The following TMPRSS7 variants were observed in gnomAD, a reference collection of about 807,000 sequenced individuals.
TMPRSS7 encodes transmembrane serine protease 7.
In TMPRSS7, 81 loss-of-function variants were observed where a neutral mutation model predicts 95.6. That is an observed-to-expected ratio of 0.85 (90% CI 0.71 to 1.02). The LOEUF is 1.02. Among genes scored for constraint, TMPRSS7 ranks in the 50% least tolerant of loss-of-function variants. TMPRSS7 has a pLI of 0.00. For synonymous variants in TMPRSS7, 364 were observed against 337.8 expected (o/e 1.08, Z -0.85); for missense variants, 945 against 955.2 (o/e 0.99, Z 0.14).
intron 6 of TMPRSS7, 140 bp downstream of exon 6, chr3:112,047,152 A>G (rs1265379215): frequency 1.1e-5 from 7 of 637,084 alleles, no homozygotes; most frequent in South Asian, 5.6e-5. Flanking sequence ...CTTAAGCACA[A>G]AAGAAACTTG....
chr3:112,057,283 G>C lies in TMPRSS7; in HGVS notation c.1310+152G>C, dbSNP rs549354070. On this transcript the variant is annotated intron_variant, in intron 10 of 17. Transcript: ENST00000452346. Reference sequence around the variant, plus strand: ...TATGTAACTTGCTCAAGGCCATGCAGCTCATGAGTGATGGAGGCAGGATTC... The same window carrying C: ...TATGTAACTTGCTCAAGGCCATGCACCTCATGAGTGATGGAGGCAGGATTC... The C allele has an allele frequency of 2.5e-5, 15 of 590,994 alleles. No homozygotes were observed. The South Asian group carries it at 3.4e-4, about 13-fold the overall frequency. 36.6% of individuals were successfully genotyped at this position (590,994 alleles called of 1,614,324 possible).
At chr3:112,045,396 C>T (rs1183178632) in intron 4 of TMPRSS7, among the ~76,000 whole-genome samples, 1 of 152,206 alleles carries the variant, frequency 6.6e-6, no homozygotes, top group Non-Finnish European at 1.5e-5. Context: ...GATCTGCCTG[C>T]CTTAGCCTCC....
chr3:112,080,595 C>T (rs371726235), intron 17 of TMPRSS7, among the ~76,000 whole-genome samples: 1 of 143,342 alleles, frequency 7.0e-6, no homozygotes, highest in African/African-American at 2.6e-5. Context: ...ACCACCATCA[C>T]CACTAGTATT....
At chr3:112,043,802 AC>A (rs2107738073) in intron 3 of TMPRSS7, among the ~76,000 whole-genome samples, 2 of 152,302 alleles carry the variant, frequency 1.3e-5, no homozygotes, top group South Asian at 4.2e-4. Flanking sequence ...GGGCTGGTAG[AC>A]CTGGCTGTGG....
intron 13 of TMPRSS7, among the ~76,000 whole-genome samples, chr3:112,072,330 C>T (rs1004060971): frequency 6.6e-6 from 1 of 152,224 alleles, no homozygotes; most frequent in Non-Finnish European, 1.5e-5. Context: ...CCTGATCCTT[C>T]CTCTGGAAGC....
At chr3:112,066,340 C>G in intron 12 of TMPRSS7, 52 bp from the exon 13 acceptor site, 2 of 1,517,144 alleles carry the variant, frequency 1.3e-6, no homozygotes, top group Non-Finnish European at 9.1e-7. Context: ...CATCAGAGAA[C>G]CCAGCTGGTG....
chr3:112,061,623 G>A (rs1344784697), intron 10 of TMPRSS7, among the ~76,000 whole-genome samples, 164 bp from the exon 11 acceptor site: 1 of 152,212 alleles, frequency 6.6e-6, no homozygotes, highest in African/African-American at 2.4e-5. Context: ...GAAGTTACTT[G>A]ATCACAGTCA....
intron 9 of TMPRSS7, among the ~76,000 whole-genome samples, chr3:112,054,579 A>G (rs2107746850): frequency 6.6e-6 from 1 of 152,242 alleles, no homozygotes; most frequent in East Asian, 1.9e-4. Context: ...ATTGGAAGGT[A>G]GTGTTACATA....
At chr3:112,061,751 C>T (rs770907508) in intron 10 of TMPRSS7, 36 bp from the exon 11 acceptor site, 1 of 1,561,234 alleles carries the variant, frequency 6.4e-7, no homozygotes, top group Non-Finnish European at 8.7e-7. Context: ...GACAGAACCT[C>T]AAGCTGTGTA....
At chr3:112,054,148 T>C (rs576842294) in intron 9 of TMPRSS7, among the ~76,000 whole-genome samples, 2 of 152,320 alleles carry the variant, frequency 1.3e-5, no homozygotes, top group Non-Finnish European at 2.9e-5. Flanking sequence ...TCACTGCTCA[T>C]CTGAGGTGGG....
intron 9 of TMPRSS7, among the ~76,000 whole-genome samples, chr3:112,054,640 G>C (rs929699037): frequency 6.7e-6 from 1 of 149,156 alleles, no homozygotes; most frequent in African/African-American, 2.5e-5. Context: ...ATGCCTAACT[G>C]AGCTTCTTGT....
chr3:112,053,756 G>A (rs1051340916), intron 9 of TMPRSS7, among the ~76,000 whole-genome samples: 3 of 152,188 alleles, frequency 2.0e-5, no homozygotes, highest in African/African-American at 7.2e-5. Context: ...GACCCAGGTA[G>A]GACTAGAAGG....
At chr3:112,039,270 A>G (rs1276910570) in intron 2 of TMPRSS7, among the ~76,000 whole-genome samples, 2 of 152,360 alleles carry the variant, frequency 1.3e-5, no homozygotes, top group East Asian at 3.9e-4. Context: ...AATGTGAAAT[A>G]CATAGTTATT....
chr3:112,042,860 T>C (rs1363055635), intron 3 of TMPRSS7: 1 of 351,562 alleles, frequency 2.8e-6, no homozygotes, highest in African/African-American at 2.1e-5. Context: ...TAGAAAAGTA[T>C]CTATTCATGG....
chr3:112,064,331 G>A (rs549695961), intron 12 of TMPRSS7, among the ~76,000 whole-genome samples: 1 of 138,332 alleles, frequency 7.2e-6, no homozygotes, highest in South Asian at 2.6e-4. Context: ...AAAAGAGAAC[G>A]GGTTTTGTGT....
At chr3:112,079,780 G>T (rs565445485) in intron 17 of TMPRSS7, among the ~76,000 whole-genome samples, 59 of 152,216 alleles carry the variant, frequency 3.9e-4, no homozygotes, top group African/African-American at 1.4e-3. Flanking sequence ...CACCGTGCTA[G>T]GTTCTTTACA....
At chr3:112,043,021 T>C (rs993717110) in intron 3 of TMPRSS7, 1 of 456,036 alleles carries the variant, frequency 2.2e-6, no homozygotes, top group Non-Finnish European at 4.4e-6. Context: ...AAGACAATAG[T>C]GCTCAGAGCA....
chr3:112,059,953 G>T (rs565625269), intron 10 of TMPRSS7, among the ~76,000 whole-genome samples: 1 of 152,162 alleles, frequency 6.6e-6, no homozygotes, highest in African/African-American at 2.4e-5. Flanking sequence ...ACCTGCCCCC[G>T]ATAGTCATGT....
chr3:112,045,390 T>C (rs1479124733), intron 4 of TMPRSS7, among the ~76,000 whole-genome samples: 3 of 152,162 alleles, frequency 2.0e-5, no homozygotes, highest in Non-Finnish European at 2.9e-5. Flanking sequence ...TCAGGTGATC[T>C]GCCTGCCTTA....
Sources: allele counts gnomAD v4.1 joint callset (sites outside exome capture counted in the v4.1 genomes callset), GRCh38; gene constraint gnomAD v4.1.1; transcripts MANE v1.5; gene names NCBI Gene and HGNC (gene_info 2026-07-23, HGNC 2026-07-21).